The following RB1CC1 variants were observed in gnomAD, a reference collection of about 807,000 sequenced individuals.
The protein encoded by RB1CC1 is RB1-inducible coiled-coil protein 1.
A neutral mutation model predicts 177.5 loss-of-function variants in RB1CC1; 46 were observed. The ratio of observed to expected loss-of-function variants is 0.26; its 90% CI spans 0.20 to 0.33. The LOEUF is 0.33. Among genes scored for constraint, RB1CC1 ranks in the 10% least tolerant of loss-of-function variants. The pLI is 1.00. For synonymous variants in RB1CC1, 666 were observed against 613.6 expected (o/e 1.09, Z -1.26); for missense variants, 1,703 against 1,816.3 (o/e 0.94, Z 1.13).
intron 8 of RB1CC1, 22 bp downstream of exon 8, chr8:52,667,999 G>A (rs1162628325): frequency 6.3e-7 from 1 of 1,585,900 alleles, no homozygotes; most frequent in African/African-American, 1.4e-5. Flanking sequence ...TCCTTTTCCT[G>A]AGAAAAGTCT....
At chr8:52,645,027 T>C (rs1849895747) in intron 16 of RB1CC1, among the ~76,000 whole-genome samples, 1 of 152,190 alleles carries the variant, frequency 6.6e-6, no homozygotes, top group African/African-American at 2.4e-5. Context: ...AATCTAATTA[T>C]GCCATTGTAA....
intron 1 of RB1CC1, among the ~76,000 whole-genome samples, chr8:52,701,975 T>G (rs761456537): frequency 2.0e-4 from 30 of 151,980 alleles, no homozygotes; most frequent in Non-Finnish European, 3.5e-4. Context: ...GTCCAGCTCA[T>G]TTTTGTATTT....
Position 52,657,334 on chromosome 8 carries a change from T to G in RB1CC1, c.2495A>C (p.Asp832Ala). 2 of 1,613,690 alleles carry G rather than the reference T, an allele frequency of 1.2e-6. No individual in the cohort carries two copies. Among genetic ancestry groups the G allele is most frequent in the Non-Finnish European group, 1.7e-6 (2 of 1,179,702 alleles). Residue 832 changes from aspartate (D) to alanine (A), a missense_variant, in exon 15 of 24, where the codon GAC (aspartate) becomes GCC (alanine). By Grantham distance (126) the Asp-to-Ala change is moderately radical (BLOSUM62 -2). Around this residue, in one of 6 missense-constraint regions of RB1CC1, gnomAD observed 1,169 missense variants for 1,184.7 expected, o/e 0.99. Coordinates refer to ENST00000025008, the MANE Select transcript of RB1CC1 (RefSeq NM_014781.5). ...TGTACATTTTAATGAATTTGAGAAG[T>G]CACACTGTTCTTTTTGTACAAATGT... Reference protein sequence around the residue: ...FRTFVQKEQCDFSNSLKCTAV... With the variant: ...FRTFVQKEQCAFSNSLKCTAV...
chr8:52,671,405 C>A (rs191376864), intron 7 of RB1CC1, among the ~76,000 whole-genome samples: 1 of 152,244 alleles, frequency 6.6e-6, no homozygotes, highest in Non-Finnish European at 1.5e-5. Context: ...AGTGCTACTG[C>A]GATCAGATAT....
intron 15 of RB1CC1, among the ~76,000 whole-genome samples, chr8:52,649,685 A>G (rs1850396636): frequency 6.6e-6 from 1 of 152,222 alleles, no homozygotes; most frequent in African/African-American, 2.4e-5. Context: ...TTACAAAATT[A>G]AAATGCTCCC....
chr8:52,642,647 T>C (rs1019989654), intron 17 of RB1CC1, 56 bp from the exon 18 acceptor site: 5 of 1,589,848 alleles, frequency 3.1e-6, no homozygotes, highest in Admixed American at 3.7e-5. Flanking sequence ...CCACTTTGCA[T>C]GAATGTATCT....
chr8:52,673,863 G>A lies in RB1CC1; in HGVS notation c.984C>T (p.Cys328=). 1 of 1,610,252 alleles carries A rather than the reference G, an allele frequency of 6.2e-7. No individual in the cohort carries two copies. Among genetic ancestry groups the A allele is most frequent in the Non-Finnish European group, 8.5e-7 (1 of 1,177,158 alleles). ...PNDVESLVRK[C]FDSMSRLDPR... ...TACTTACCCTGCTCATAGAATCAAA[G>A]CACTTCCTGACCAAAGATTCCACAT... The change falls in exon 7 of 24, where the codon TGC becomes TGT. Residue 328 remains cysteine (C), a synonymous_variant. Transcript: ENST00000025008.
intron 1 of RB1CC1, among the ~76,000 whole-genome samples, chr8:52,709,672 T>C (rs1165085416): frequency 6.6e-6 from 1 of 152,210 alleles, no homozygotes; most frequent in Non-Finnish European, 1.5e-5. Flanking sequence ...CACGAGGCAG[T>C]GGTTGTAGTG....
intron 1 of RB1CC1, among the ~76,000 whole-genome samples, chr8:52,696,720 T>C (rs552820425): frequency 6.6e-6 from 1 of 152,290 alleles, no homozygotes; most frequent in East Asian, 1.9e-4. Flanking sequence ...GTATTTTGGA[T>C]AGCTGGGCAC....
rs368850908 is a variant in RB1CC1, at chr8:52,683,666, T to C, written c.252A>G (p.Pro84=). Residue 84 remains proline, a synonymous_variant, in exon 5 of 24, where the codon CCA becomes CCG. Coordinates refer to ENST00000025008, the MANE Select transcript of RB1CC1 (RefSeq NM_014781.5). ...FNKEMILCDR[P]PAIPKTTFST... ...AAAAGGTAGTTTTAGGAATAGCAGG[T>C]GGACGATCACATAAGATCATTTCTT... 4 of 1,611,142 alleles carry C rather than the reference T, an allele frequency of 2.5e-6. No individual in the cohort carries two copies. In the African/African-American group the frequency reaches 4.0e-5, roughly 16 times the overall value.
intron 6 of RB1CC1, among the ~76,000 whole-genome samples, chr8:52,675,714 C>CAAAAA (rs1306544323): frequency 9.8e-5 from 6 of 61,280 alleles, no homozygotes; most frequent in African/African-American, 1.4e-4. Context: ...ACTAAAAATC[C>CAAAAA]AAAAAAAAAA....
chr8:52,669,893 A>G (rs1489909782), intron 7 of RB1CC1, among the ~76,000 whole-genome samples: 135 of 152,334 alleles, frequency 8.9e-4, no homozygotes, highest in Non-Finnish European at 1.9e-4. Context: ...TTGAAAGTAT[A>G]ACTGCACTGA....
intron 8 of RB1CC1, among the ~76,000 whole-genome samples, chr8:52,667,248 T>A (rs1466452728): frequency 6.6e-6 from 1 of 152,168 alleles, no homozygotes; most frequent in African/African-American, 2.4e-5. Flanking sequence ...ACATTCTAAT[T>A]TATATCAGCC....
chr8:52,660,540 GA>G, intron 12 of RB1CC1, 55 bp downstream of exon 12: 6 of 1,430,678 alleles, frequency 4.2e-6, no homozygotes, highest in Admixed American at 4.6e-5. Context: ...TCTACTTCTG[GA>G]AAAAAGGTTT....
chr8:52,670,750 G>A (rs1035058877), intron 7 of RB1CC1, among the ~76,000 whole-genome samples: 1 of 152,158 alleles, frequency 6.6e-6, no homozygotes, highest in Admixed American at 6.5e-5. Flanking sequence ...ACTTTGGGAG[G>A]CAGAGCCAGG....
intron 15 of RB1CC1, among the ~76,000 whole-genome samples, chr8:52,652,726 T>G (rs565839946): frequency 6.6e-6 from 1 of 152,128 alleles, no homozygotes; most frequent in Non-Finnish European, 1.5e-5. Context: ...GTGTGTGACC[T>G]GCAAATGCTA....
At chr8:52,703,552 T>G (rs1317423103) in intron 1 of RB1CC1, among the ~76,000 whole-genome samples, 1 of 152,212 alleles carries the variant, frequency 6.6e-6, no homozygotes, top group Non-Finnish European at 1.5e-5. Flanking sequence ...TTCCACAGCT[T>G]CCATTATGTA....
chr8:52,637,185 G>A (rs974276523), intron 18 of RB1CC1, among the ~76,000 whole-genome samples: 2 of 152,150 alleles, frequency 1.3e-5, no homozygotes, highest in East Asian at 1.9e-4. Context: ...ATCTTAAGGC[G>A]ATTAAGTCTT....
intron 6 of RB1CC1, among the ~76,000 whole-genome samples, chr8:52,675,609 G>A (rs1464205254): frequency 6.6e-6 from 1 of 151,062 alleles, no homozygotes; most frequent in Non-Finnish European, 1.5e-5. Context: ...AGTGGCTCAC[G>A]CCTGTAATCC....
Sources: allele counts gnomAD v4.1 joint callset (sites outside exome capture counted in the v4.1 genomes callset), GRCh38; gene constraint gnomAD v4.1.1; regional missense constraint gnomAD v4.1.1; transcripts MANE v1.5; gene names NCBI Gene and HGNC (gene_info 2026-07-23, HGNC 2026-07-21).